LEKR1: variants seen among roughly 807,000 people sequenced by gnomAD.
LEKR1 encodes leucine, glutamate and lysine rich 1, also known as protein LEKR1.
In LEKR1, 59 loss-of-function variants were observed where a neutral mutation model predicts 72.4. The ratio of observed to expected loss-of-function variants is 0.82; its 90% confidence interval spans 0.66 to 1.01. The LOEUF (loss-of-function observed/expected upper bound fraction) is 1.01, where lower values mean the gene tolerates loss of function less well. Ranked by LOEUF, LEKR1 falls within the 50% of genes least tolerant of loss-of-function variation. The probability of loss-of-function intolerance (pLI) is 0.00; values close to 1 mark genes in which losing one functional copy is unlikely to be tolerated. For synonymous variants in LEKR1, 257 were observed against 263.2 expected, an observed-to-expected ratio of 0.98 and a Z score of 0.23; for missense variants, 728 against 759.2, an observed-to-expected ratio of 0.96 and a Z score of 0.48.
chr3:157,017,295 A>G (rs996875582), intron 10 of LEKR1: 45 of 152,230 alleles, frequency 3.0e-4, no homozygotes, highest in Non-Finnish European at 6.6e-4. Context: ...TATCTTGGAT[A>G]AAAATGCAAC....
chr3:156,952,205 T>C (rs1727217872), intron 6 of LEKR1, among the ~76,000 whole-genome samples: 1 of 151,472 alleles, frequency 6.6e-6, no homozygotes, highest in Non-Finnish European at 1.5e-5. Flanking sequence ...CGACCTGGAA[T>C]AGCTGCTGAT....
In LEKR1 at chr3:156,850,118, C is replaced by T. The variant is rs543098453; in HGVS notation, c.49-2650C>T. 1.5e-3 allele frequency among the ~76,000 whole-genome samples: 227 copies of T among 151,804 alleles called. 2 individuals are homozygous for T. Among genetic ancestry groups the T allele is most frequent in the African/African-American group, 5.3e-3 (220 of 41,378 alleles). On this transcript the variant is annotated intron_variant, in intron 2 of 12. Transcript: ENST00000356539. ...GCGAAGGATATGAACAGATGCTTCT[C>T]AAAAGAAGACATTTATGCAGCCAAA...
intron 1 of LEKR1, among the ~76,000 whole-genome samples, chr3:156,827,543 G>A (rs1325607571): frequency 6.6e-6 from 1 of 152,206 alleles, no homozygotes; most frequent in African/African-American, 2.4e-5. Flanking sequence ...GTAATGGATT[G>A]TGTCTCCTTG....
chr3:156,946,237 T>A (rs942306123), intron 6 of LEKR1, among the ~76,000 whole-genome samples: 2 of 151,706 alleles, frequency 1.3e-5, no homozygotes, highest in Non-Finnish European at 3.0e-5. Context: ...GATTTCTTTT[T>A]CAGATTGTTC....
intron 12 of LEKR1, among the ~76,000 whole-genome samples, chr3:157,041,851 C>A (rs1735368299): frequency 6.6e-6 from 1 of 152,172 alleles, no homozygotes; most frequent in Non-Finnish European, 1.5e-5. Context: ...CTGCAACAAT[C>A]CAACCTTCAT....
chr3:156,936,466 C>CACACA (rs71931633), intron 5 of LEKR1, among the ~76,000 whole-genome samples: 1 of 57,276 alleles, frequency 1.7e-5, no homozygotes, highest in African/African-American at 3.4e-5. Flanking sequence ...CACACACACA[C>CACACA]CCCCCGTATG....
intron 2 of LEKR1, among the ~76,000 whole-genome samples, chr3:156,849,103 T>C (rs968108422): frequency 4.6e-5 from 7 of 152,132 alleles, no homozygotes; most frequent in Non-Finnish European, 8.8e-5. Context: ...AGCATTCTTA[T>C]ACACCAATAA....
intron 6 of LEKR1, among the ~76,000 whole-genome samples, chr3:156,943,534 G>T (rs1055193685): frequency 2.0e-5 from 3 of 151,914 alleles, no homozygotes; most frequent in African/African-American, 7.2e-5. Context: ...TACGTTCCTA[G>T]TAAATGGCAG....
intron 12 of LEKR1, among the ~76,000 whole-genome samples, chr3:157,043,241 T>A (rs568887880): frequency 2.2e-4 from 33 of 152,324 alleles, no homozygotes; most frequent in African/African-American, 7.5e-4. Context: ...GTTGAATCTC[T>A]TTTCTTTATA....
At chr3:157,016,216 C>G (rs1411530955) in intron 10 of LEKR1, among the ~76,000 whole-genome samples, 1 of 152,000 alleles carries the variant, frequency 6.6e-6, no homozygotes, top group African/African-American at 2.4e-5. Flanking sequence ...AAACTAAACA[C>G]CCACAGTTTT....
Position 156,927,561 on chromosome 3 carries a change from A to G in LEKR1, c.516A>G (p.Ala172=). ...AAAACTGGACTTCATTGAAAGGAGC[A>G]GTTTTTCTACAAATTAAATCTATAA... ...NYQNWTSLKG[A]VFLQIKSISE... Residue 172 remains alanine, a synonymous_variant, in exon 5 of 13, where the codon GCA becomes GCG. Coordinates refer to ENST00000356539, the MANE Select transcript of LEKR1 (RefSeq NM_001004316.3). 1 of 1,242,068 alleles carries G rather than the reference A, an allele frequency of 8.1e-7. No individual in the cohort carries two copies. Among genetic ancestry groups the G allele is most frequent in the Non-Finnish European group, 1.0e-6 (1 of 970,312 alleles). 76.9% of individuals were successfully genotyped at this position (1,242,068 alleles called of 1,614,324 possible).
At chr3:156,872,445 T>C (rs1274163665) in intron 3 of LEKR1, among the ~76,000 whole-genome samples, 3 of 152,026 alleles carry the variant, frequency 2.0e-5, no homozygotes, top group Non-Finnish European at 4.4e-5. Context: ...TTTTGTTGAG[T>C]TCTGCTCCAA....
intron 4 of LEKR1, among the ~76,000 whole-genome samples, chr3:156,921,782 G>A (rs1204005694): frequency 1.3e-5 from 2 of 152,112 alleles, no homozygotes; most frequent in South Asian, 2.1e-4. Context: ...ACCTTTAAAG[G>A]CTGGACTGGG....
chr3:156,872,512 A>G (rs1455395657), intron 3 of LEKR1, among the ~76,000 whole-genome samples: 1 of 151,868 alleles, frequency 6.6e-6, no homozygotes, highest in Admixed American at 6.6e-5. Flanking sequence ...TTGCTTTTCT[A>G]GTTCTTTCAG....
rs189324910 is a variant in LEKR1, at chr3:156,831,962, A to G, written c.48+2585A>G. ...CCTCCTTTGGGTTTCATCATACCTT[A>G]TTTTTAATCTGTGTGTTATGGAAAT... On this transcript the variant is annotated intron_variant, in intron 2 of 12. Transcript: ENST00000356539. Among the ~76,000 whole-genome samples the G allele has an allele frequency of 7.2e-5, 11 of 152,266 alleles. No homozygotes were observed. In the East Asian group the frequency reaches 2.1e-3, roughly 29 times the overall value.
At chr3:157,029,748 T>C (rs1734468687) in intron 12 of LEKR1, among the ~76,000 whole-genome samples, 1 of 152,108 alleles carries the variant, frequency 6.6e-6, no homozygotes, top group South Asian at 2.1e-4. Context: ...AGAGAAGTGA[T>C]GCTGATTTGC....
intron 3 of LEKR1, among the ~76,000 whole-genome samples, chr3:156,876,898 C>G (rs1202415931): frequency 2.0e-5 from 3 of 152,138 alleles, no homozygotes; most frequent in Non-Finnish European, 4.4e-5. Context: ...TTGCTTTGTT[C>G]CAGTTCTCAA....
chr3:157,017,974 A>T (rs1314476624), intron 10 of LEKR1, among the ~76,000 whole-genome samples: 1 of 150,580 alleles, frequency 6.6e-6, no homozygotes, highest in Non-Finnish European at 1.5e-5. Context: ...AAAAAAAAAG[A>T]AAGCTGGAGT....
In LEKR1 at chr3:156,913,071, C is replaced by G. The variant is rs188622017; in HGVS notation, c.264-7504C>G. On this transcript the variant is annotated intron_variant, in intron 3 of 12. Transcript: ENST00000356539. ...AGTTAACAGTGTGAATCTCTACTCA[C>G]TATTTTGACTTTGCAAGTGGAAGAG... 3.0e-4 allele frequency among the ~76,000 whole-genome samples: 45 copies of G among 152,170 alleles called. 1 individual carries two copies. In the East Asian group the frequency reaches 7.5e-3, roughly 25 times the overall value.
Sources: gnomAD v4.1 joint callset for allele counts (sites outside exome capture counted in the v4.1 genomes callset) on GRCh38, gnomAD v4.1.1 for gene constraint, MANE v1.5 for transcripts, NCBI Gene and HGNC (gene_info 2026-07-23, HGNC 2026-07-21) for gene names.